ULK4: variants seen among roughly 807,000 people sequenced by gnomAD.
ULK4 encodes unc-51 like kinase 4.
Under a neutral mutation model 160.6 loss-of-function variants are expected in ULK4, and 133 were observed. That is an observed-to-expected ratio of 0.83 (90% CI 0.72 to 0.96). ULK4 has a LOEUF of 0.96. Among genes scored for constraint, ULK4 ranks in the 40% least tolerant of loss-of-function variants. ULK4 has a pLI of 0.00. For synonymous variants in ULK4, 534 were observed against 539.8 expected (o/e 0.99, Z 0.15); for missense variants, 1,580 against 1,499.5 (o/e 1.05, Z -0.89).
At chr3:41,879,620 G>T (rs1276734626) in intron 17 of ULK4, among the ~76,000 whole-genome samples, 1 of 152,020 alleles carries the variant, frequency 6.6e-6, no homozygotes, top group Non-Finnish European at 1.5e-5. Context: ...GAGTAGCTGG[G>T]ACCACAGACG....
At chr3:41,584,580 C>A (rs2030648928) in intron 31 of ULK4, among the ~76,000 whole-genome samples, 1 of 152,208 alleles carries the variant, frequency 6.6e-6, no homozygotes, top group African/African-American at 2.4e-5. Flanking sequence ...AGCTACCATG[C>A]CTGGCCAAGA....
At chr3:41,607,654 T>A (rs1333021684) in intron 31 of ULK4, among the ~76,000 whole-genome samples, 1 of 152,202 alleles carries the variant, frequency 6.6e-6, no homozygotes, top group African/African-American at 2.4e-5. Flanking sequence ...GACAAAGATA[T>A]CCTGTTCATT....
chr3:41,796,042 C>T (rs2040291399), intron 20 of ULK4, among the ~76,000 whole-genome samples: 1 of 152,116 alleles, frequency 6.6e-6, no homozygotes, highest in Non-Finnish European at 1.5e-5. Context: ...CCTTCCCGCC[C>T]AGTATCCATA....
chr3:41,378,377 TAAAAG>T (rs2081562608), intron 35 of ULK4, among the ~76,000 whole-genome samples: 1 of 144,736 alleles, frequency 6.9e-6, no homozygotes, highest in African/African-American at 2.6e-5. Context: ...AGTATAATAA[TAAAAG>T]AAAAAAAGAA....
intron 34 of ULK4, among the ~76,000 whole-genome samples, chr3:41,446,818 G>GTA (rs1490142446): frequency 6.6e-6 from 1 of 151,582 alleles, no homozygotes; most frequent in African/African-American, 2.4e-5. Context: ...CATGGCACAT[G>GTA]TATATATATG....
At chr3:41,323,161 T>G (rs904085270) in intron 35 of ULK4, among the ~76,000 whole-genome samples, 9 of 152,006 alleles carry the variant, frequency 5.9e-5, no homozygotes, top group African/African-American at 1.2e-4. Context: ...GGTCGTGAAC[T>G]CCCGACCTCA....
chr3:41,400,341 T>C (rs1486314623), intron 34 of ULK4, among the ~76,000 whole-genome samples: 2 of 152,122 alleles, frequency 1.3e-5, no homozygotes, highest in East Asian at 1.9e-4. Flanking sequence ...GATCCCATTA[T>C]AGTAAGAGCC....
intron 18 of ULK4, among the ~76,000 whole-genome samples, chr3:41,824,160 C>T (rs919851443): frequency 1.1e-4 from 9 of 80,468 alleles, no homozygotes; most frequent in South Asian, 3.4e-4. Flanking sequence ...GAGACTCTAT[C>T]TTTAAAAAAA....
At chr3:41,820,755 C>T (rs748331409) in intron 18 of ULK4, among the ~76,000 whole-genome samples, 49 of 152,120 alleles carry the variant, frequency 3.2e-4, no homozygotes, top group Non-Finnish European at 1.0e-4. Context: ...AACAAACCTA[C>T]ACATGTACAC....
At chr3:41,457,945 G>A (rs1292299795) in intron 33 of ULK4, among the ~76,000 whole-genome samples, 1 of 152,184 alleles carries the variant, frequency 6.6e-6, no homozygotes, top group Non-Finnish European at 1.5e-5. Context: ...AGAGGCAATT[G>A]GATGTGTTAG....
chr3:41,532,651 C>T (rs1409011566), intron 32 of ULK4, among the ~76,000 whole-genome samples: 2 of 152,152 alleles, frequency 1.3e-5, no homozygotes, highest in Non-Finnish European at 2.9e-5. Context: ...TTTACTGGAA[C>T]ACAGTCACAC....
At chr3:41,933,345 T>C (rs1699658463) in intron 4 of ULK4, among the ~76,000 whole-genome samples, 1 of 152,190 alleles carries the variant, frequency 6.6e-6, no homozygotes, top group Admixed American at 6.5e-5. Context: ...CTAGTAAATA[T>C]TTTAGACTTT....
intron 32 of ULK4, among the ~76,000 whole-genome samples, chr3:41,527,966 C>G (rs922806040): frequency 7.9e-5 from 12 of 152,112 alleles, no homozygotes; most frequent in Admixed American, 6.5e-5. Flanking sequence ...AAAAGTTTGA[C>G]CCTCGAGAAT....
intron 35 of ULK4, among the ~76,000 whole-genome samples, chr3:41,305,989 G>A (rs569411779): frequency 2.4e-5 from 3 of 124,778 alleles, no homozygotes; most frequent in Non-Finnish European, 4.5e-5. Context: ...CCCGGCAACC[G>A]CCCCGTCTGA....
chr3:41,821,307 G>A (rs956575921), intron 18 of ULK4, among the ~76,000 whole-genome samples: 1 of 151,948 alleles, frequency 6.6e-6, no homozygotes, highest in Admixed American at 6.6e-5. Context: ...ACTTACTTGG[G>A]ATCAGCATCC....
At chr3:41,333,913 T>A (rs1532017) in intron 35 of ULK4, among the ~76,000 whole-genome samples, 24,370 of 152,106 alleles carry the variant, frequency 0.16, 2,410 homozygotes, top group African/African-American at 0.27. Context: ...TCTACTGATC[T>A]AGGTGAAATA....
At chr3:41,715,150 A>T (rs2037223386) in intron 25 of ULK4, 87 bp downstream of exon 25, 3 of 1,337,546 alleles carry the variant, frequency 2.2e-6, no homozygotes, top group South Asian at 2.6e-5. Context: ...CAGGATTTTT[A>T]AATTACCTCA....
rs144813743 is a variant in ULK4 at position 41,632,768 on chromosome 3, T to G, written c.3072-17051A>C. Among the ~76,000 whole-genome samples the G allele has an allele frequency of 9.3e-3, 1,409 of 152,106 alleles. 21 individuals are homozygous for G. Among genetic ancestry groups the G allele is most frequent in the African/African-American group, 0.031 (1,299 of 41,496 alleles). On this transcript the variant is annotated intron_variant, in intron 30 of 36. Transcript: ENST00000301831. ...AAAAAACCTCATAGTTAGACATTAC[T>G]ATCTTTTTACTTCAGATGACAAATT...
At chr3:41,821,842 A>G (rs1467065754) in intron 18 of ULK4, among the ~76,000 whole-genome samples, 2 of 152,168 alleles carry the variant, frequency 1.3e-5, no homozygotes, top group East Asian at 3.9e-4. Context: ...AAAAATAAAT[A>G]AATATATAAA....
Sources: gnomAD v4.1 joint callset for allele counts (sites outside exome capture counted in the v4.1 genomes callset) on GRCh38, gnomAD v4.1.1 for gene constraint, MANE v1.5 for transcripts, NCBI Gene and HGNC (gene_info 2026-07-23, HGNC 2026-07-21) for gene names.